Variants in ACOXL observed in about 807,000 individuals in gnomAD.
The protein encoded by ACOXL is acyl-coenzyme A oxidase-like protein.
Under a neutral mutation model 71.9 loss-of-function variants are expected in ACOXL, and 70 were observed. The observed-to-expected ratio is 0.97, with a 90% CI of 0.80 to 1.19. ACOXL has a LOEUF of 1.19. Among genes scored for constraint, ACOXL ranks in the 50% most tolerant of loss-of-function variants. ACOXL has a pLI of 0.00. For synonymous variants in ACOXL, 253 were observed against 281.6 expected (o/e 0.90, Z 1.02); for missense variants, 703 against 736.3 (o/e 0.95, Z 0.52).
intron 10 of ACOXL, among the ~76,000 whole-genome samples, chr2:110,874,394 C>T (rs1413777090): frequency 6.9e-6 from 1 of 145,260 alleles, no homozygotes; most frequent in African/African-American, 2.9e-5. Context: ...ACCTGACATC[C>T]CTCGGTCAGA....
chr2:110,824,497 C>T (rs1038572424), intron 9 of ACOXL, among the ~76,000 whole-genome samples: 2 of 152,114 alleles, frequency 1.3e-5, no homozygotes, highest in Non-Finnish European at 2.9e-5. Flanking sequence ...TTTGTATCTT[C>T]TTTGATGTTC....
chr2:111,100,350 T>C (rs1337866128), intron 17 of ACOXL: 1 of 152,628 alleles, frequency 6.6e-6, no homozygotes, highest in Non-Finnish European at 1.5e-5. Context: ...GCAGGCTGTG[T>C]AACCCACGCA....
intron 16 of ACOXL, among the ~76,000 whole-genome samples, chr2:111,069,242 C>G (rs969111477): frequency 6.6e-6 from 1 of 151,606 alleles, no homozygotes; most frequent in African/African-American, 2.4e-5. Flanking sequence ...AACTCCGCCT[C>G]CCATGTTCAA....
At chr2:110,909,248 A>T (rs2059567498) in intron 11 of ACOXL, among the ~76,000 whole-genome samples, 2 of 152,168 alleles carry the variant, frequency 1.3e-5, no homozygotes, top group South Asian at 4.1e-4. Flanking sequence ...TTTATTTCTG[A>T]TAAAGGTTCT....
chr2:110,797,257 A>C (rs1685395244), intron 5 of ACOXL, among the ~76,000 whole-genome samples: 1 of 152,200 alleles, frequency 6.6e-6, no homozygotes, highest in African/African-American at 2.4e-5. Context: ...CTGCTTCTTC[A>C]TGACCAGTGT....
chr2:110,899,895 G>A (rs1188278043), intron 10 of ACOXL, among the ~76,000 whole-genome samples: 1 of 152,108 alleles, frequency 6.6e-6, no homozygotes, highest in African/African-American at 2.4e-5. Context: ...TCGGCTGATT[G>A]ACTCTGGAAA....
chr2:110,828,904 C>T (rs1330821330), intron 9 of ACOXL, among the ~76,000 whole-genome samples: 1 of 152,086 alleles, frequency 6.6e-6, no homozygotes, highest in African/African-American at 2.4e-5. Flanking sequence ...CTCTGCTTTC[C>T]AGGTTCAAGT....
intron 10 of ACOXL, chr2:110,888,144 G>A (rs1453419796): frequency 1.3e-5 from 2 of 152,116 alleles, no homozygotes; most frequent in Admixed American, 1.3e-4. Context: ...TAGAGTAAAT[G>A]GCTCAAGGAA....
intron 17 of ACOXL, chr2:111,100,791 C>T (rs2069098050): frequency 6.5e-6 from 1 of 152,684 alleles, no homozygotes; most frequent in Admixed American, 6.5e-5. Flanking sequence ...GTCTGCCCTA[C>T]TGAAAGGAGC....
At chr2:110,794,433 G>T (rs538664127) in intron 5 of ACOXL, among the ~76,000 whole-genome samples, 1 of 152,244 alleles carries the variant, frequency 6.6e-6, no homozygotes, top group Non-Finnish European at 1.5e-5. Flanking sequence ...AGCACTTTGT[G>T]TGCACTTGTG....
At position 110,792,717 on chromosome 2, in the gene ACOXL, T is replaced by G. The variant is rs144513465; in HGVS notation, c.160-933T>G. Among the ~76,000 whole-genome samples, 358 of 152,312 alleles carry G rather than the reference T, an allele frequency of 2.4e-3. 2 individuals are homozygous for G. The highest frequency in any genetic ancestry group is 8.4e-3 in the African/African-American group (348 of 41,566). Reference sequence around the variant, plus strand: ...AGGAGGCTAAGGCAGGAGGATCGCTTGAGCCTGAGAGTTTGACAATGCAGT... The same window carrying G: ...AGGAGGCTAAGGCAGGAGGATCGCTGGAGCCTGAGAGTTTGACAATGCAGT... On this transcript the variant is annotated intron_variant, in intron 3 of 17. Transcript: ENST00000439055.
At chr2:110,774,364 G>A (rs1335241719) in intron 2 of ACOXL, among the ~76,000 whole-genome samples, 1 of 152,052 alleles carries the variant, frequency 6.6e-6, no homozygotes, top group Non-Finnish European at 1.5e-5. Flanking sequence ...ATCAAGTGTG[G>A]TAAATTGGAA....
In ACOXL at chr2:110,769,742, C is replaced by T. The variant is rs542714176; in HGVS notation, c.75+1278C>T. On this transcript the variant is annotated intron_variant, in intron 2 of 17. Coordinates refer to ENST00000439055, the MANE Select transcript of ACOXL (RefSeq NM_001142807.4). ...CCCAGCTACTTGGGAGGCTGAGGCA[C>T]GAGAATCCCTTGAACCAGGAGGCGG... Among the ~76,000 whole-genome samples the T allele has an allele frequency of 3.3e-5, 5 of 152,046 alleles. No individual in the cohort carries two copies. The South Asian group carries it at 1.0e-3, about 32-fold the overall frequency.
At chr2:110,997,997 G>T (rs2063472061) in intron 14 of ACOXL, among the ~76,000 whole-genome samples, 1 of 152,048 alleles carries the variant, frequency 6.6e-6, no homozygotes, top group South Asian at 2.1e-4. Flanking sequence ...GTTGCAGTGA[G>T]CCAAGATCAC....
intron 8 of ACOXL, among the ~76,000 whole-genome samples, chr2:110,802,103 C>T (rs1686077354): frequency 6.6e-6 from 1 of 152,156 alleles, no homozygotes; most frequent in African/African-American, 2.4e-5. Flanking sequence ...TTATGTAATG[C>T]TAAGCACACA....
intron 12 of ACOXL, chr2:110,968,743 G>A (rs562779617): frequency 3.5e-5 from 15 of 427,818 alleles, no homozygotes; most frequent in South Asian, 1.5e-4. Context: ...TTTCTATGAC[G>A]ATTTTTCAGA....
chr2:110,737,431 A>G (rs1011106542), intron 1 of ACOXL, among the ~76,000 whole-genome samples: 4 of 152,152 alleles, frequency 2.6e-5, no homozygotes, highest in African/African-American at 9.7e-5. Flanking sequence ...CACCATTTTT[A>G]CTTAAATCAG....
intron 14 of ACOXL, among the ~76,000 whole-genome samples, chr2:110,996,357 C>T (rs1451478019): frequency 6.6e-6 from 1 of 152,150 alleles, no homozygotes; most frequent in Non-Finnish European, 1.5e-5. Context: ...GGAACTGCCT[C>T]AGGCATATGT....
intron 10 of ACOXL, among the ~76,000 whole-genome samples, chr2:110,858,389 C>T (rs1370655176): frequency 6.6e-6 from 1 of 151,998 alleles, no homozygotes; most frequent in Non-Finnish European, 1.5e-5. Context: ...TTCCGCATCT[C>T]GTTTGTCATT....
Sources: gnomAD v4.1 joint callset for allele counts (sites outside exome capture counted in the v4.1 genomes callset) on GRCh38, gnomAD v4.1.1 for gene constraint, MANE v1.5 for transcripts, NCBI Gene and HGNC (gene_info 2026-07-23, HGNC 2026-07-21) for gene names.